Variants in DENND4C observed in about 807,000 individuals in gnomAD.
DENND4C encodes DENN domain containing 4C.
In DENND4C, 108 loss-of-function variants were observed where a neutral mutation model predicts 203.0. The observed-to-expected ratio is 0.53, with a 90% CI of 0.46 to 0.62. The LOEUF (loss-of-function observed/expected upper bound fraction) is 0.62. DENND4C is among the 20% of genes least tolerant of loss of function. The pLI, the probability that DENND4C is intolerant of heterozygous loss-of-function variation, is 0.00. For missense variants in DENND4C, 2,481 were observed against 2,301.2 expected (o/e 1.08, Z -1.60); for synonymous variants, 871 against 792.4 (o/e 1.10, Z -1.67).
At chr9:19,341,311 C>CTTTTTTTTTTTT (rs5896841) in intron 21 of DENND4C, among the ~76,000 whole-genome samples, 197 bp downstream of exon 21, 1 of 120,180 alleles carries the variant, frequency 8.3e-6, no homozygotes, top group Non-Finnish European at 1.7e-5. Flanking sequence ...TTCTTTCTTT[C>CTTTTTTTTTTTT]TTTTTTTTTT....
At chr9:19,321,473 T>G in intron 12 of DENND4C, among the ~76,000 whole-genome samples, 1 of 152,110 alleles carries the variant, frequency 6.6e-6, no homozygotes, top group East Asian at 1.9e-4. Context: ...TCGAAGGTTT[T>G]TTTTTTTGTT....
chr9:19,274,706 T>C (rs971100367), intron 1 of DENND4C, among the ~76,000 whole-genome samples: 2 of 152,238 alleles, frequency 1.3e-5, no homozygotes, highest in African/African-American at 4.8e-5. Flanking sequence ...AGCTTACTTA[T>C]TTTACATGGT....
At chr9:19,371,865 A>G in intron 32 of DENND4C, 45 bp downstream of exon 32, 1 of 1,372,010 alleles carries the variant, frequency 7.3e-7, no homozygotes, top group South Asian at 1.3e-5. Flanking sequence ...TTTACATTTT[A>G]TTTTCAAAAG....
chr9:19,254,725 T>A (rs1479567489), intron 1 of DENND4C, among the ~76,000 whole-genome samples: 2 of 152,222 alleles, frequency 1.3e-5, no homozygotes, highest in Non-Finnish European at 2.9e-5. Context: ...GTGTTGATTG[T>A]GTTAATTTGA....
At position 19,320,582 on chromosome 9, in the gene DENND4C, T is replaced by G. The variant is rs368787405; in HGVS notation, c.1807+3743T>G. 4.6e-5 allele frequency among the ~76,000 whole-genome samples: 7 copies of G among 152,214 alleles called. No individual in the cohort carries two copies. The East Asian group carries it at 9.6e-4, about 21-fold the overall frequency. ...ACATTTCAAGTGCTAAATTGCCATA[T>G]GAAGGTAGTGGTTACTGAATTAAAC... On this transcript the variant is annotated intron_variant, in intron 12 of 32. Transcript: ENST00000434457.
intron 13 of DENND4C, among the ~76,000 whole-genome samples, chr9:19,325,539 A>C (rs1014050278): frequency 6.6e-6 from 1 of 152,172 alleles, no homozygotes; most frequent in African/African-American, 2.4e-5. Flanking sequence ...CCAAAATTCC[A>C]GGGATATAAT....
At chr9:19,255,009 G>T (rs543165210) in intron 1 of DENND4C, among the ~76,000 whole-genome samples, 1 of 151,992 alleles carries the variant, frequency 6.6e-6, no homozygotes, top group African/African-American at 2.4e-5. Flanking sequence ...GGTGGTGGAG[G>T]GGGGGCCGCC....
intron 1 of DENND4C, among the ~76,000 whole-genome samples, chr9:19,259,104 C>G (rs1022798211): frequency 1.3e-5 from 2 of 152,044 alleles, no homozygotes; most frequent in Non-Finnish European, 2.9e-5. Context: ...TTCGAACATT[C>G]CAATGGTACT....
intron 1 of DENND4C, among the ~76,000 whole-genome samples, chr9:19,271,070 T>G (rs1398628024): frequency 1.3e-5 from 2 of 152,140 alleles, no homozygotes; most frequent in Non-Finnish European, 2.9e-5. Flanking sequence ...TGAAAAAAAT[T>G]TAAAAGATCT....
chr9:19,272,593 G>C (rs1408894000), intron 1 of DENND4C, among the ~76,000 whole-genome samples: 3 of 151,852 alleles, frequency 2.0e-5, no homozygotes, highest in Non-Finnish European at 2.9e-5. Context: ...TTGAAAAATG[G>C]GATATCCATA....
intron 3 of DENND4C, among the ~76,000 whole-genome samples, chr9:19,287,366 C>G (rs1256967128): frequency 6.6e-6 from 1 of 152,176 alleles, no homozygotes; most frequent in South Asian, 2.1e-4. Flanking sequence ...TTCATTCATT[C>G]ATTCATTTGT....
chr9:19,312,788 T>G (rs959647896), intron 10 of DENND4C, among the ~76,000 whole-genome samples: 2 of 151,630 alleles, frequency 1.3e-5, no homozygotes, highest in Non-Finnish European at 2.9e-5. Context: ...ATGAATACTT[T>G]TGTCTTGTAG....
At position 19,346,898 on chromosome 9, in the gene DENND4C, G is replaced by C; in HGVS notation, c.4129G>C (p.Ala1377Pro). The change falls in exon 23 of 33, where the codon GCA (alanine) becomes CCA (proline). Residue 1377 changes from alanine to proline, a missense_variant. Physicochemically the swap from Ala to Pro is conservative, Grantham distance 27. This residue lies in a region of DENND4C where 2,289 missense variants were observed against 2,113.3 expected (regional missense o/e 1.08). Coordinates refer to ENST00000434457, the MANE Select transcript of DENND4C (RefSeq NM_001330640.2). ...THKERSTSLS[A>P]LVRSSPHGSL... ...TAAAGAACGTTCAACTTCTTTGTCAGCACTGGTGCGTTCTTCGCCACATGG... is the reference window on the plus strand; with the variant it reads ...TAAAGAACGTTCAACTTCTTTGTCACCACTGGTGCGTTCTTCGCCACATGG... 1.2e-6 allele frequency: 2 copies of C among 1,614,202 alleles called. No homozygotes were observed. Among genetic ancestry groups the C allele is most frequent in the Non-Finnish European group, 1.7e-6 (2 of 1,180,032 alleles).
intron 21 of DENND4C, 84 bp downstream of exon 21, chr9:19,341,198 G>C (rs1014168515): frequency 8.8e-7 from 1 of 1,140,626 alleles, no homozygotes. Flanking sequence ...TGATAGCTTT[G>C]ATGATTATTT....
intron 1 of DENND4C, among the ~76,000 whole-genome samples, chr9:19,252,712 TACACAC>T (rs10611179): frequency 0.6 from 89,398 of 149,868 alleles, 26,723 homozygotes; most frequent in South Asian, 0.72. Flanking sequence ...AGCGTGTGTA[TACACAC>T]ACACACACAC....
chr9:19,280,423 G>T (rs943098958), intron 2 of DENND4C, among the ~76,000 whole-genome samples: 7 of 152,200 alleles, frequency 4.6e-5, no homozygotes, highest in African/African-American at 1.7e-4. Context: ...GAGGTTACAG[G>T]CATGAGCCCC....
chr9:19,366,203 C>G (rs970371256), intron 30 of DENND4C, among the ~76,000 whole-genome samples: 1 of 152,120 alleles, frequency 6.6e-6, no homozygotes, highest in African/African-American at 2.4e-5. Flanking sequence ...AAGTAAAATA[C>G]TGGTGTAAAA....
chr9:19,346,127 A>G lies in DENND4C; in HGVS notation c.3358A>G (p.Ile1120Val), dbSNP rs754054220. 2.0e-5 allele frequency: 32 copies of G among 1,614,088 alleles called. No individual in the cohort carries two copies. The highest frequency in any genetic ancestry group is 5.3e-5 in the African/African-American group (4 of 74,946). Reference protein sequence around the residue: ...SLDSNSSEMAIMMGADAKILT... With the variant: ...SLDSNSSEMAVMMGADAKILT... Reference sequence around the variant, plus strand: ...GGATTCGAATTCAAGTGAAATGGCTATCATGATGGGAGCAGATGCCAAGAT... The same window carrying G: ...GGATTCGAATTCAAGTGAAATGGCTGTCATGATGGGAGCAGATGCCAAGAT... The change falls in exon 23 of 33, where the codon ATC becomes GTC. Residue 1120 changes from isoleucine (I) to valine (V), a missense_variant. Transcript: ENST00000434457.
chr9:19,281,746 T>G (rs1388490481), intron 2 of DENND4C, among the ~76,000 whole-genome samples: 1 of 152,158 alleles, frequency 6.6e-6, no homozygotes, highest in African/African-American at 2.4e-5. Flanking sequence ...CATCATAGAG[T>G]GTACATACAC....
Sources: allele counts gnomAD v4.1 joint callset (sites outside exome capture counted in the v4.1 genomes callset), GRCh38; gene constraint gnomAD v4.1.1; regional missense constraint gnomAD v4.1.1; transcripts MANE v1.5; gene names NCBI Gene and HGNC (gene_info 2026-07-23, HGNC 2026-07-21).